RELN: variants seen among roughly 807,000 people sequenced by gnomAD.
RELN encodes the protein reelin.
Under a neutral mutation model 427.6 loss-of-function variants are expected in RELN, and 108 were observed. That is an observed-to-expected ratio of 0.25 (90% confidence interval 0.22 to 0.30). RELN has a LOEUF of 0.30. Ranked by LOEUF, RELN falls within the 10% of genes least tolerant of loss-of-function variation. The probability of loss-of-function intolerance (pLI) is 1.00; values close to 1 mark genes in which losing one functional copy is unlikely to be tolerated. For missense variants in RELN, 3,715 were observed against 4,302.8 expected, an observed-to-expected ratio of 0.86 and a Z score of 3.82; for synonymous variants, 1,524 against 1,513.4, an observed-to-expected ratio of 1.01 and a Z score of -0.16.
chr7:103,982,234 T>C (rs920277807), intron 1 of RELN, among the ~76,000 whole-genome samples: 17 of 152,244 alleles, frequency 1.1e-4, no homozygotes, highest in African/African-American at 3.6e-4. Context: ...CGCTGAATTA[T>C]ACCGCCAATA....
rs371034301 is a variant in RELN at position 103,582,725 on chromosome 7, A to C, written c.4145+6871T>G. ...GATGATGCAAAGTAAACTGGTGATA[A>C]ATTAGGTGAAAGATGCCACAAACAG... On this transcript the variant is annotated intron_variant, in intron 28 of 64. Coordinates refer to ENST00000428762, the MANE Select transcript of RELN (RefSeq NM_005045.4). 1.6e-4 allele frequency among the ~76,000 whole-genome samples: 25 copies of C among 152,278 alleles called. No individual in the cohort carries two copies. The East Asian group carries it at 3.5e-3, about 21-fold the overall frequency.
chr7:103,888,453 T>A (rs532350514), intron 2 of RELN, among the ~76,000 whole-genome samples: 3 of 152,252 alleles, frequency 2.0e-5, no homozygotes, highest in East Asian at 3.9e-4. Flanking sequence ...AAAAGCTGAA[T>A]CAGAAACTAC....
chr7:103,883,702 A>G (rs1248277381), intron 2 of RELN, among the ~76,000 whole-genome samples: 2 of 152,200 alleles, frequency 1.3e-5, no homozygotes, highest in Non-Finnish European at 2.9e-5. Context: ...AAGGGAATAA[A>G]ATACCTAGGA....
intron 11 of RELN, among the ~76,000 whole-genome samples, chr7:103,663,243 T>A (rs530636501): frequency 1.6e-4 from 25 of 152,300 alleles, no homozygotes; most frequent in Middle Eastern, 3.4e-3. Flanking sequence ...TTTCTTTACA[T>A]GCCTTTCTTT....
chr7:103,861,199 C>T (rs1400089582), intron 2 of RELN, among the ~76,000 whole-genome samples: 1 of 152,136 alleles, frequency 6.6e-6, no homozygotes, highest in Non-Finnish European at 1.5e-5. Flanking sequence ...TTAAACTACA[C>T]TTTCAATTCT....
intron 5 of RELN, 79 bp downstream of exon 5, chr7:103,753,103 C>T (rs1307534354): frequency 6.4e-6 from 9 of 1,406,488 alleles, no homozygotes; most frequent in Non-Finnish European, 9.1e-6. Flanking sequence ...GCCTCTATAA[C>T]ATCTGCTCGT....
At chr7:103,947,910 T>C (rs754438096) in intron 1 of RELN, among the ~76,000 whole-genome samples, 1 of 152,222 alleles carries the variant, frequency 6.6e-6, no homozygotes. Flanking sequence ...CACATTGATA[T>C]GGATTTTTAG....
At chr7:103,536,264 T>A (rs1830048658) in intron 45 of RELN, among the ~76,000 whole-genome samples, 1 of 152,128 alleles carries the variant, frequency 6.6e-6, no homozygotes, top group African/African-American at 2.4e-5. Flanking sequence ...AAGAAAGATA[T>A]TTATTTCTTT....
intron 1 of RELN, among the ~76,000 whole-genome samples, chr7:103,961,262 A>G (rs576323948): frequency 6.6e-6 from 1 of 152,216 alleles, no homozygotes; most frequent in Non-Finnish European, 1.5e-5. Flanking sequence ...ATCTTTTTAT[A>G]TACTTTAAAG....
chr7:103,854,325 C>T (rs1398394669), intron 2 of RELN, among the ~76,000 whole-genome samples: 1 of 152,008 alleles, frequency 6.6e-6, no homozygotes, highest in South Asian at 2.1e-4. Context: ...GTTTATTTTC[C>T]CTTGTACTTT....
At chr7:103,473,027 T>C (rs749427267) in intron 64 of RELN, 119 bp from the exon 65 acceptor site, 2 of 916,116 alleles carry the variant, frequency 2.2e-6, no homozygotes, top group African/African-American at 3.3e-5. Flanking sequence ...TTTGAAAATT[T>C]TCAGGGTTAA....
Position 103,917,067 on chromosome 7 carries a change from T to G in RELN, c.337+8A>C. On this transcript the variant is annotated splice_region_variant and intron_variant, in intron 2 of 64. Transcript: ENST00000428762. ...CCCCCAAATTTCTGGTTTGTGAGAATAGCTTACCAAATCCGAAAGCACTGG... is the reference window on the plus strand; with the variant it reads ...CCCCCAAATTTCTGGTTTGTGAGAAGAGCTTACCAAATCCGAAAGCACTGG... 6.2e-7 allele frequency: 1 copy of G among 1,607,270 alleles called. No homozygotes were observed. Among genetic ancestry groups the G allele is most frequent in the Non-Finnish European group, 8.5e-7 (1 of 1,173,896 alleles).
At chr7:103,515,506 A>AGAT (rs1554368388) in intron 49 of RELN, 65 bp from the exon 50 acceptor site, 8 of 1,591,058 alleles carry the variant, frequency 5.0e-6, no homozygotes, top group African/African-American at 1.3e-5. Flanking sequence ...TCTGAGTAAA[A>AGAT]GATTTACAAC....
intron 63 of RELN, among the ~76,000 whole-genome samples, chr7:103,480,807 A>G (rs534693231): frequency 1.2e-3 from 177 of 152,334 alleles, no homozygotes; most frequent in Non-Finnish European, 2.0e-3. Context: ...CAAAGCATAC[A>G]ACACCATGCA....
chr7:103,736,876 C>T (rs142446165), intron 6 of RELN, among the ~76,000 whole-genome samples: 12 of 152,162 alleles, frequency 7.9e-5, no homozygotes, highest in African/African-American at 2.2e-4. Context: ...GTAGATGAAG[C>T]TTTTCCCTGG....
intron 58 of RELN, 68 bp from the exon 59 acceptor site, chr7:103,490,897 A>G: frequency 1.3e-6 from 2 of 1,513,010 alleles, no homozygotes; most frequent in South Asian, 2.3e-5. Flanking sequence ...ATGTCAAGGT[A>G]ATGCTTTGTG....
At chr7:103,897,615 A>G (rs1794989907) in intron 2 of RELN, among the ~76,000 whole-genome samples, 1 of 152,138 alleles carries the variant, frequency 6.6e-6, no homozygotes, top group Non-Finnish European at 1.5e-5. Context: ...CTTGACAAAA[A>G]TAAGCTAAAG....
intron 4 of RELN, among the ~76,000 whole-genome samples, chr7:103,757,485 T>C (rs1791188565): frequency 6.6e-6 from 1 of 152,146 alleles, no homozygotes; most frequent in African/African-American, 2.4e-5. Flanking sequence ...TCTTTTGAAT[T>C]TAAAATTGCA....
At chr7:103,591,783 T>C (rs1831422690) in intron 27 of RELN, among the ~76,000 whole-genome samples, 2 of 152,168 alleles carry the variant, frequency 1.3e-5, no homozygotes, top group Admixed American at 1.3e-4. Flanking sequence ...AGAAATCAGA[T>C]ATAGGGTAGT....
Sources: allele counts gnomAD v4.1 joint callset (sites outside exome capture counted in the v4.1 genomes callset), GRCh38; gene constraint gnomAD v4.1.1; transcripts MANE v1.5; gene names NCBI Gene and HGNC (gene_info 2026-07-23, HGNC 2026-07-21).